The following LGSN variants were observed in gnomAD, a reference collection of about 807,000 sequenced individuals.
LGSN encodes the protein lengsin, lens protein with glutamine synthetase domain, also known as lengsin.
LGSN carries 21 observed loss-of-function variants against 19.5 expected under a neutral mutation model. The ratio of observed to expected loss-of-function variants is 1.07; its 90% CI spans 0.76 to 1.55. The LOEUF is 1.55. Ranked by LOEUF, LGSN falls within the 40% of genes most tolerant of loss-of-function variation. The pLI is 0.00. For synonymous variants in LGSN, 257 were observed against 215.6 expected (o/e 1.19, Z -1.68); for missense variants, 673 against 608.5 (o/e 1.11, Z -1.12).
At chr6:63,502,329 GTCTTT>G in the LGSN span, among the ~76,000 whole-genome samples, 1 of 152,180 alleles carries the variant, frequency 6.6e-6, no homozygotes, top group Non-Finnish European at 1.5e-5. Context: ...AATCCATTCA[GTCTTT>G]TCCTTATGCC....
At chr6:63,360,447 C>T in the LGSN span, among the ~76,000 whole-genome samples, 7 of 152,150 alleles carry the variant, frequency 4.6e-5, no homozygotes, top group Non-Finnish European at 1.0e-4. Context: ...TCCAGTTGAT[C>T]GAATCGGCTA....
chr6:63,572,814 C>T, the LGSN span: 3 of 396,572 alleles, frequency 7.6e-6, no homozygotes, highest in Admixed American at 1.3e-4. Context: ...GGCGTCTCCT[C>T]CAGGTTGCCC....
chr6:63,296,052 T>C (rs909671690), intron 1 of LGSN, among the ~76,000 whole-genome samples: 14 of 152,204 alleles, frequency 9.2e-5, no homozygotes, highest in Non-Finnish European at 1.8e-4. Context: ...GAGTAACTGC[T>C]GGGGAGCAGC....
the LGSN span, among the ~76,000 whole-genome samples, chr6:63,334,524 G>C: frequency 6.6e-6 from 1 of 152,116 alleles, no homozygotes; most frequent in Non-Finnish European, 1.5e-5. Flanking sequence ...CAGTGAAAAT[G>C]ACCACACTGC....
rs1767215948 is a variant in LGSN, at chr6:63,279,766, G to A, written c.*255C>T. 1 of 317,794 alleles carries A rather than the reference G, an allele frequency of 3.1e-6. No individual in the cohort carries two copies. Among genetic ancestry groups the A allele is most frequent in the Non-Finnish European group, 5.8e-6 (1 of 173,464 alleles). The allele number at this position is 317,794 out of a possible 1,614,324, so 19.7% of individuals were successfully genotyped here. ...TCTTATCCAGGTCAACATACACATA[G>A]GAAATGACTGACAAGATCTGGTAAG... On this transcript the variant is annotated 3_prime_UTR_variant, in exon 4 of 4. Coordinates refer to ENST00000370657, the MANE Select transcript of LGSN (RefSeq NM_016571.3).
chr6:63,319,206 T>C (rs1768990388), intron 1 of LGSN, among the ~76,000 whole-genome samples: 1 of 152,214 alleles, frequency 6.6e-6, no homozygotes, highest in African/African-American at 2.4e-5. Context: ...TATGCCACTA[T>C]TTCATACATA....
the LGSN span, among the ~76,000 whole-genome samples, chr6:63,378,888 T>C: frequency 8.5e-5 from 13 of 152,220 alleles, no homozygotes; most frequent in Non-Finnish European, 1.6e-4. Flanking sequence ...AATTACTTTG[T>C]AAGTCATGTT....
At chr6:63,494,525 T>C in the LGSN span, among the ~76,000 whole-genome samples, 1 of 152,224 alleles carries the variant, frequency 6.6e-6, no homozygotes, top group Non-Finnish European at 1.5e-5. Flanking sequence ...CAGATTCATA[T>C]TTGAAGGTCT....
the LGSN span, among the ~76,000 whole-genome samples, chr6:63,570,314 G>C: frequency 6.6e-6 from 1 of 152,198 alleles, no homozygotes; most frequent in East Asian, 1.9e-4. Flanking sequence ...CTGGGCAAAA[G>C]AGCAAGACTC....
the LGSN span, among the ~76,000 whole-genome samples, chr6:63,506,421 G>A: frequency 7.2e-5 from 11 of 151,966 alleles, no homozygotes; most frequent in Non-Finnish European, 1.6e-4. Flanking sequence ...CCACCACCAC[G>A]CCCGGCTAAT....
intron 1 of LGSN, among the ~76,000 whole-genome samples, chr6:63,315,882 A>G (rs1169242673): frequency 6.6e-6 from 1 of 151,888 alleles, no homozygotes; most frequent in Non-Finnish European, 1.5e-5. Flanking sequence ...TTAAAAAAAA[A>G]AAAAACTCCA....
the LGSN span, among the ~76,000 whole-genome samples, chr6:63,518,137 C>T: frequency 2.3e-5 from 3 of 131,906 alleles, no homozygotes; most frequent in Non-Finnish European, 4.6e-5. Context: ...CTGGGCAACA[C>T]AGTGAGACTC....
chr6:63,524,453 A>G, the LGSN span, among the ~76,000 whole-genome samples: 1 of 152,178 alleles, frequency 6.6e-6, no homozygotes, highest in Admixed American at 6.6e-5. Context: ...CCTTTATTAT[A>G]CCTTGAGTTT....
the LGSN span, among the ~76,000 whole-genome samples, chr6:63,432,233 T>G: frequency 2.1e-5 from 3 of 140,780 alleles, no homozygotes; most frequent in African/African-American, 2.6e-5. Flanking sequence ...GAAACAGCAT[T>G]AATGTAGCAC....
At chr6:63,415,405 TGGAGAGGCCTTA>T in the LGSN span, among the ~76,000 whole-genome samples, 1 of 152,166 alleles carries the variant, frequency 6.6e-6, no homozygotes, top group African/African-American at 2.4e-5. Flanking sequence ...TCAGCATGGC[TGGAGAGGCCTTA>T]GGAAACTTAC....
At chr6:63,549,812 G>A in the LGSN span, among the ~76,000 whole-genome samples, 1 of 152,110 alleles carries the variant, frequency 6.6e-6, no homozygotes, top group African/African-American at 2.4e-5. Flanking sequence ...GCTTGGAAGG[G>A]TAGAGGGAAG....
chr6:63,434,618 A>G, the LGSN span, among the ~76,000 whole-genome samples: 2 of 150,922 alleles, frequency 1.3e-5, no homozygotes, highest in South Asian at 2.1e-4. Flanking sequence ...AAAAAAAAAA[A>G]AAAAAAGAAA....
chr6:63,288,459 G>A (rs1767633589), intron 2 of LGSN, among the ~76,000 whole-genome samples: 1 of 150,960 alleles, frequency 6.6e-6, no homozygotes, highest in Non-Finnish European at 1.5e-5. Context: ...CAGTGAAAGG[G>A]CTGGAAAAAA....
the LGSN span, among the ~76,000 whole-genome samples, chr6:63,523,264 C>T: frequency 6.6e-6 from 1 of 152,024 alleles, no homozygotes; most frequent in Non-Finnish European, 1.5e-5. Context: ...TATGTACTTT[C>T]TCAGGCATTA....
Sources: allele counts gnomAD v4.1 joint callset (sites outside exome capture counted in the v4.1 genomes callset), GRCh38; gene constraint gnomAD v4.1.1; transcripts MANE v1.5; gene names NCBI Gene and HGNC (gene_info 2026-07-23, HGNC 2026-07-21).